SCOC: variants seen among roughly 807,000 people sequenced by gnomAD.
SCOC encodes the protein short coiled-coil protein, also known as short coiled coil protein.
A neutral mutation model predicts 9.9 loss-of-function variants in SCOC; 7 were observed. The ratio of observed to expected loss-of-function variants is 0.71; its 90% CI spans 0.40 to 1.33. SCOC has a LOEUF of 1.33. SCOC is among the 40% of genes most tolerant of loss of function. The pLI is 0.01. For synonymous variants in SCOC, 19 were observed against 28.2 expected (o/e 0.67, Z 1.03); for missense variants, 66 against 89.7 (o/e 0.74, Z 1.07).
chr4:140,350,433 C>T (rs920481919), intron 2 of SCOC, among the ~76,000 whole-genome samples: 4 of 152,182 alleles, frequency 2.6e-5, no homozygotes, highest in African/African-American at 9.7e-5. Flanking sequence ...CAGGCCAGCC[C>T]CTAGCTGAGA....
intron 2 of SCOC, among the ~76,000 whole-genome samples, chr4:140,351,467 C>T (rs966316684): frequency 3.3e-5 from 5 of 152,144 alleles, no homozygotes; most frequent in Non-Finnish European, 4.4e-5. Context: ...CCTCAGCCTC[C>T]GTCCTGACTC....
At chr4:140,354,807 C>T (rs1265284084) in intron 2 of SCOC, among the ~76,000 whole-genome samples, 1 of 151,630 alleles carries the variant, frequency 6.6e-6, no homozygotes, top group Non-Finnish European at 1.5e-5. Context: ...CCTGTAGATT[C>T]TCAATTCTGG....
chr4:140,302,380 C>T (rs1007708972), intron 1 of SCOC, among the ~76,000 whole-genome samples: 10 of 152,080 alleles, frequency 6.6e-5, no homozygotes, highest in Non-Finnish European at 1.2e-4. Flanking sequence ...GAAGGAGAAC[C>T]TTGTTGCCAA....
At chr4:140,347,163 A>AT (rs942367885) in intron 2 of SCOC, among the ~76,000 whole-genome samples, 22 of 152,006 alleles carry the variant, frequency 1.4e-4, no homozygotes, top group African/African-American at 4.6e-4. Context: ...AGGTACAGTA[A>AT]TTTTTTTTAA....
chr4:140,289,751 G>C (rs987241490), intron 1 of SCOC, among the ~76,000 whole-genome samples: 1 of 152,144 alleles, frequency 6.6e-6, no homozygotes, highest in Non-Finnish European at 1.5e-5. Flanking sequence ...AGCAGTTTTG[G>C]GTCCATACAC....
intron 1 of SCOC, chr4:140,284,230 G>GAAATAATA (rs1731167737): frequency 3.3e-5 from 2 of 59,762 alleles, no homozygotes; most frequent in Non-Finnish European, 6.0e-5. Flanking sequence ...TGAGTCACAG[G>GAAATAATA]AAATAATAAT....
chr4:140,286,375 C>A (rs1488187928), intron 1 of SCOC, among the ~76,000 whole-genome samples: 4 of 150,964 alleles, frequency 2.6e-5, no homozygotes, highest in African/African-American at 7.3e-5. Context: ...AAAAAAAACA[C>A]AAAAAACAAA....
intron 1 of SCOC, among the ~76,000 whole-genome samples, chr4:140,305,875 A>G (rs1411494781): frequency 6.6e-6 from 1 of 152,214 alleles, no homozygotes; most frequent in Non-Finnish European, 1.5e-5. Flanking sequence ...CGCTAGAGTC[A>G]GGGGGACCTT....
intron 1 of SCOC, among the ~76,000 whole-genome samples, chr4:140,302,777 C>T (rs1159620269): frequency 2.6e-5 from 4 of 152,218 alleles, no homozygotes; most frequent in South Asian, 2.1e-4. Context: ...TTCCTATCCA[C>T]GTATAGTGTT....
chr4:140,276,657 A>G (rs1035913654), intron 1 of SCOC, among the ~76,000 whole-genome samples: 6 of 151,430 alleles, frequency 4.0e-5, no homozygotes, highest in African/African-American at 9.7e-5. Flanking sequence ...GGGTTTCACC[A>G]TCTTGGGGAG....
intron 1 of SCOC, among the ~76,000 whole-genome samples, chr4:140,315,338 T>G (rs1027111474): frequency 6.6e-6 from 1 of 152,234 alleles, no homozygotes; most frequent in African/African-American, 2.4e-5. Flanking sequence ...CTGCACTGAA[T>G]ATACATTACC....
At chr4:140,359,276 C>T (rs888049420) in intron 2 of SCOC, among the ~76,000 whole-genome samples, 6 of 152,032 alleles carry the variant, frequency 3.9e-5, no homozygotes, top group East Asian at 3.9e-4. Context: ...CACACAGCCA[C>T]GGTGGAAGCT....
Position 140,383,501 on chromosome 4 carries a change from A to G in SCOC, c.*2397A>G, listed in dbSNP as rs1176370760. 6.6e-6 allele frequency: 1 copy of G among 152,196 alleles called. No homozygotes were observed. The highest frequency in any genetic ancestry group is 1.5e-5 in the Non-Finnish European group (1 of 68,036). The allele number at this position is 152,196 out of a possible 1,614,324, so 9.4% of individuals were successfully genotyped here. On this transcript the variant is annotated 3_prime_UTR_variant, in exon 4 of 4. Coordinates refer to ENST00000608372, the MANE Select transcript of SCOC (RefSeq NM_001153484.2). ...AAAAATTGTGGAATGCTCCTGGGAGATGTATGAAGATTTTGTCCCTAGCAG... is the reference window on the plus strand; with the variant it reads ...AAAAATTGTGGAATGCTCCTGGGAGGTGTATGAAGATTTTGTCCCTAGCAG...
intron 1 of SCOC, among the ~76,000 whole-genome samples, chr4:140,326,125 C>T (rs534901373): frequency 1.2e-3 from 180 of 152,136 alleles, no homozygotes; most frequent in African/African-American, 4.3e-3. Context: ...GTAAAAGGCA[C>T]AACTATAGGG....
intron 2 of SCOC, among the ~76,000 whole-genome samples, chr4:140,355,763 C>T (rs916745305): frequency 1.3e-5 from 2 of 152,178 alleles, no homozygotes; most frequent in Non-Finnish European, 2.9e-5. Flanking sequence ...AAAATTGTAT[C>T]TATGTTGCGA....
chr4:140,258,468 C>G (rs1730559221), intron 1 of SCOC, among the ~76,000 whole-genome samples: 1 of 152,162 alleles, frequency 6.6e-6, no homozygotes, highest in Non-Finnish European at 1.5e-5. Context: ...ATTTTCTACC[C>G]TCCTCCAGAT....
intron 1 of SCOC, among the ~76,000 whole-genome samples, chr4:140,330,027 G>T (rs2126493383): frequency 6.6e-6 from 1 of 152,252 alleles, no homozygotes; most frequent in Admixed American, 6.5e-5. Flanking sequence ...AGCACAATTT[G>T]CAATTGCAAA....
intron 1 of SCOC, among the ~76,000 whole-genome samples, chr4:140,297,229 C>G (rs1223241523): frequency 2.0e-5 from 3 of 148,096 alleles, no homozygotes; most frequent in African/African-American, 7.5e-5. Context: ...TGGAGAGGCG[C>G]GGAGGGAAAA....
chr4:140,373,657 C>A lies in SCOC; in HGVS notation c.-111C>A, dbSNP rs1456114645. ...GCGGAGCTGCCGGGGTCAGTTGGTC[C>A]AAGTGTCCCGGCCTGAGGTGTCGGC... On this transcript the variant is annotated 5_prime_UTR_variant, in exon 1 of 4. Transcript: ENST00000608372. 4 of 1,551,482 alleles carry A rather than the reference C, an allele frequency of 2.6e-6. No homozygotes were observed. The highest frequency in any genetic ancestry group is 3.5e-6 in the Non-Finnish European group (4 of 1,146,976).
Sources: gnomAD v4.1 joint callset for allele counts (sites outside exome capture counted in the v4.1 genomes callset) on GRCh38, gnomAD v4.1.1 for gene constraint, MANE v1.5 for transcripts, NCBI Gene and HGNC (gene_info 2026-07-23, HGNC 2026-07-21) for gene names.